Variants in NUDCD1 observed in about 807,000 individuals in gnomAD.
NUDCD1 encodes nudC domain-containing protein 1.
NUDCD1 carries 60 observed loss-of-function variants against 67.8 expected under a neutral mutation model. The observed-to-expected ratio is 0.88, with a 90% CI of 0.72 to 1.10. The LOEUF (loss-of-function observed/expected upper bound fraction) is 1.10. Ranked by LOEUF, NUDCD1 falls within the 50% of genes least tolerant of loss-of-function variation. NUDCD1 has a pLI of 0.00. For synonymous variants in NUDCD1, 244 were observed against 230.8 expected, an observed-to-expected ratio of 1.06 and a Z score of -0.52; for missense variants, 643 against 695.0, an observed-to-expected ratio of 0.93 and a Z score of 0.84.
At chr8:109,284,246 C>T (rs1814523170) in intron 5 of NUDCD1, among the ~76,000 whole-genome samples, 1 of 152,056 alleles carries the variant, frequency 6.6e-6, no homozygotes, top group Admixed American at 6.6e-5. Context: ...TGAACTATCC[C>T]AAATATATAT....
At chr8:109,328,288 G>A (rs1200659278) in intron 1 of NUDCD1, among the ~76,000 whole-genome samples, 1 of 152,136 alleles carries the variant, frequency 6.6e-6, no homozygotes, top group African/African-American at 2.4e-5. Flanking sequence ...TAACTGTAGT[G>A]TAAATCTTCA....
At chr8:109,324,858 G>A (rs138109783) in intron 1 of NUDCD1, among the ~76,000 whole-genome samples, 4 of 152,252 alleles carry the variant, frequency 2.6e-5, no homozygotes, top group Non-Finnish European at 2.9e-5. Context: ...AGGCCAAGGC[G>A]GGCGGATCAC....
intron 5 of NUDCD1, among the ~76,000 whole-genome samples, chr8:109,286,318 C>A (rs577895751): frequency 6.6e-6 from 1 of 152,102 alleles, no homozygotes; most frequent in East Asian, 1.9e-4. Flanking sequence ...AAAATTCGTA[C>A]GGATCCAAAA....
chr8:109,282,625 T>G (rs759632803), intron 5 of NUDCD1, among the ~76,000 whole-genome samples: 15 of 147,236 alleles, frequency 1.0e-4, no homozygotes, highest in Admixed American at 9.5e-4. Flanking sequence ...TAAGTGGGAG[T>G]TGAACAATGA....
chr8:109,310,785 G>A (rs1815225361), intron 2 of NUDCD1, among the ~76,000 whole-genome samples: 1 of 150,792 alleles, frequency 6.6e-6, no homozygotes, highest in African/African-American at 2.4e-5. Flanking sequence ...ATCAAAAAGT[G>A]GGCTAAGGAC....
intron 8 of NUDCD1, 130 bp downstream of exon 8, chr8:109,270,875 C>T (rs1814136870): frequency 1.7e-6 from 1 of 581,414 alleles, no homozygotes; most frequent in African/African-American, 1.9e-5. Flanking sequence ...AAAGATGCTA[C>T]TTTATGGAGT....
At chr8:109,297,281 T>C (rs906822966) in intron 2 of NUDCD1, among the ~76,000 whole-genome samples, 1 of 152,218 alleles carries the variant, frequency 6.6e-6, no homozygotes, top group Admixed American at 6.5e-5. Flanking sequence ...ATGAAAACAC[T>C]ACATTTAGCC....
At chr8:109,262,384 A>G (rs962820832) in intron 8 of NUDCD1, among the ~76,000 whole-genome samples, 1 of 152,208 alleles carries the variant, frequency 6.6e-6, no homozygotes, top group Non-Finnish European at 1.5e-5. Flanking sequence ...AAAGTATGAC[A>G]GGACTTCCTT....
chr8:109,297,161 A>C lies in NUDCD1; in HGVS notation c.274-592T>G, dbSNP rs1814864910. Among the ~76,000 whole-genome samples the C allele has an allele frequency of 2.0e-5, 3 of 152,230 alleles. No individual in the cohort carries two copies. In the South Asian group the frequency reaches 6.2e-4, roughly 31 times the overall value. ...TGACAGAAAACTAATACAATGCAGT[A>C]ATCTAGTTTTCATTCTCTTAATTTT... On this transcript the variant is annotated intron_variant, in intron 2 of 9. Coordinates refer to ENST00000239690, the MANE Select transcript of NUDCD1 (RefSeq NM_032869.4).
At chr8:109,298,467 T>TA (rs1465993161) in intron 2 of NUDCD1, 3 of 152,180 alleles carry the variant, frequency 2.0e-5, no homozygotes, top group Non-Finnish European at 2.9e-5. Flanking sequence ...GGGAAAAAAT[T>TA]AAACTTATTC....
At chr8:109,254,877 A>G (rs1813696326) in intron 8 of NUDCD1, among the ~76,000 whole-genome samples, 1 of 152,264 alleles carries the variant, frequency 6.6e-6, no homozygotes, top group South Asian at 2.1e-4. Flanking sequence ...TTTAATTCCA[A>G]ATTCATATTC....
At chr8:109,321,711 A>C (rs1175911032) in intron 2 of NUDCD1, among the ~76,000 whole-genome samples, 1 of 152,116 alleles carries the variant, frequency 6.6e-6, no homozygotes, top group Non-Finnish European at 1.5e-5. Flanking sequence ...TGGAAAAAAC[A>C]AGAGCCAACT....
chr8:109,324,928 T>C (rs1449177492), intron 1 of NUDCD1, among the ~76,000 whole-genome samples: 1 of 151,912 alleles, frequency 6.6e-6, no homozygotes, highest in African/African-American at 2.4e-5. Flanking sequence ...CTACTAAAAA[T>C]TCAAAAAACA....
intron 6 of NUDCD1, among the ~76,000 whole-genome samples, chr8:109,277,776 T>C (rs942829768): frequency 1.5e-4 from 23 of 152,210 alleles, no homozygotes; most frequent in African/African-American, 5.5e-4. Flanking sequence ...TACTGCTTGA[T>C]GACTTACATT....
chr8:109,273,447 A>C (rs997390310), intron 7 of NUDCD1, among the ~76,000 whole-genome samples: 1 of 152,144 alleles, frequency 6.6e-6, no homozygotes, highest in Non-Finnish European at 1.5e-5. Context: ...GTACAACATT[A>C]AGTGCTTTCA....
chr8:109,268,577 T>C (rs1042202517), intron 8 of NUDCD1, among the ~76,000 whole-genome samples: 1 of 152,208 alleles, frequency 6.6e-6, no homozygotes, highest in Non-Finnish European at 1.5e-5. Context: ...AGTACTAAGA[T>C]GAACTGAAAT....
At chr8:109,317,644 C>A (rs1248836764) in intron 2 of NUDCD1, among the ~76,000 whole-genome samples, 2 of 152,138 alleles carry the variant, frequency 1.3e-5, no homozygotes, top group East Asian at 3.8e-4. Flanking sequence ...ATAAAAGTTA[C>A]CTGACATTAT....
At chr8:109,324,800 C>A (rs530116772) in intron 1 of NUDCD1, among the ~76,000 whole-genome samples, 1 of 152,120 alleles carries the variant, frequency 6.6e-6, no homozygotes, top group Non-Finnish European at 1.5e-5. Context: ...ATAAACCAGG[C>A]ACAAGGCCGG....
At chr8:109,317,132 A>T (rs538083200) in intron 2 of NUDCD1, among the ~76,000 whole-genome samples, 4 of 152,234 alleles carry the variant, frequency 2.6e-5, no homozygotes, top group African/African-American at 9.6e-5. Context: ...ATAAAAATAC[A>T]TATTACAAAA....
Sources: gnomAD v4.1 joint callset for allele counts (sites outside exome capture counted in the v4.1 genomes callset) on GRCh38, gnomAD v4.1.1 for gene constraint, MANE v1.5 for transcripts, NCBI Gene and HGNC (gene_info 2026-07-23, HGNC 2026-07-21) for gene names.